Variants in TTC28 observed in about 807,000 individuals in gnomAD.
TTC28 encodes the protein tetratricopeptide repeat domain 28.
In TTC28, 61 loss-of-function variants were observed where a neutral mutation model predicts 198.0. The observed-to-expected ratio is 0.31, with a 90% CI of 0.25 to 0.38. TTC28 has a LOEUF of 0.38. TTC28 is among the 10% of genes least tolerant of loss of function. TTC28 has a pLI of 1.00. For synonymous variants in TTC28, 1,171 were observed against 1,297.8 expected (o/e 0.90, Z 2.10); for missense variants, 2,678 against 3,164.0 (o/e 0.85, Z 3.69).
At chr22:28,421,716 G>GGCAGGCGGAA (rs2047256646) in intron 2 of TTC28, among the ~76,000 whole-genome samples, 1 of 152,160 alleles carries the variant, frequency 6.6e-6, no homozygotes. Flanking sequence ...GGGAACCCAA[G>GGCAGGCGGAA]GCAGGCGGAT....
In TTC28 at chr22:28,005,919, C is replaced by T. The variant is rs1419420082; in HGVS notation, c.4219-4366G>A. 6.6e-6 allele frequency among the ~76,000 whole-genome samples: 1 copy of T among 152,260 alleles called. No homozygotes were observed. Among genetic ancestry groups the T allele is most frequent in the African/African-American group, 2.4e-5 (1 of 41,468 alleles). ...ACTCCCTCAGCCCTAGAGAACCACA[C>T]AGCTTCCCTATATCTTACAGTTATT... On this transcript the variant is annotated intron_variant, in intron 14 of 22. Coordinates refer to ENST00000397906, the MANE Select transcript of TTC28 (RefSeq NM_001145418.2). The surrounding 1 kb of genome is among the most constrained non-coding windows in gnomAD (Gnocchi z 4.9).
At chr22:28,154,096 A>G (rs135649) in intron 6 of TTC28, among the ~76,000 whole-genome samples, 3,026 of 152,290 alleles carry the variant, frequency 0.02, 30 homozygotes, top group Non-Finnish European at 0.026. Flanking sequence ...CTAAAGTGAG[A>G]TGAGAGATAA....
At chr22:28,295,249 T>C (rs1057218169) in intron 5 of TTC28, among the ~76,000 whole-genome samples, 4 of 152,180 alleles carry the variant, frequency 2.6e-5, no homozygotes, top group Non-Finnish European at 4.4e-5. Flanking sequence ...ATATAATTAA[T>C]CTTTATAAGG....
At chr22:28,084,737 A>C (rs957678453) in intron 12 of TTC28, among the ~76,000 whole-genome samples, 1 of 152,034 alleles carries the variant, frequency 6.6e-6, no homozygotes, top group South Asian at 2.1e-4. Flanking sequence ...AGTTCGAACC[A>C]ATGGCAAAGA....
At chr22:28,569,950 A>G (rs951049833) in intron 2 of TTC28, among the ~76,000 whole-genome samples, 37 of 152,244 alleles carry the variant, frequency 2.4e-4, no homozygotes, top group African/African-American at 8.9e-4. Context: ...GCATATTAAA[A>G]AATGCTCAAC....
chr22:28,537,154 G>A lies in TTC28; in HGVS notation c.381+92398C>T, dbSNP rs1439587356. On this transcript the variant is annotated intron_variant, in intron 2 of 22. Coordinates refer to ENST00000397906, the MANE Select transcript of TTC28 (RefSeq NM_001145418.2). ...TAAAAATATAAAAAATTAGCCGGGC[G>A]TGGTGGCGGGTGCCTGTAGTCCCAG... is the stretch of plus-strand genomic sequence containing the variant. Among the ~76,000 whole-genome samples the A allele has an allele frequency of 9.2e-5, 14 of 151,408 alleles. No individual in the cohort carries two copies. In the East Asian group the frequency reaches 1.4e-3, roughly 15 times the overall value.
intron 2 of TTC28, among the ~76,000 whole-genome samples, chr22:28,627,607 T>A (rs1386951713): frequency 1.3e-5 from 2 of 152,002 alleles, no homozygotes; most frequent in East Asian, 3.9e-4. Flanking sequence ...AATTTTTGTG[T>A]TTTTAGTAGA....
chr22:28,625,973 T>A (rs533874676), intron 2 of TTC28, among the ~76,000 whole-genome samples: 2 of 152,282 alleles, frequency 1.3e-5, no homozygotes, highest in South Asian at 4.1e-4. Flanking sequence ...TGCTGGATTA[T>A]GGTTATCATT....
At chr22:28,159,517 G>A (rs552176462) in intron 6 of TTC28, among the ~76,000 whole-genome samples, 18 of 152,218 alleles carry the variant, frequency 1.2e-4, no homozygotes, top group Admixed American at 5.9e-4. Context: ...TTAGCTGGGC[G>A]TGGTGGCGTG....
At chr22:28,333,458 C>G (rs2045648905) in intron 2 of TTC28, among the ~76,000 whole-genome samples, 1 of 152,142 alleles carries the variant, frequency 6.6e-6, no homozygotes, top group Non-Finnish European at 1.5e-5. Flanking sequence ...ATATATCTCA[C>G]ATTGCAACAG....
At chr22:28,621,015 G>A (rs1601631310) in intron 2 of TTC28, among the ~76,000 whole-genome samples, 1 of 152,094 alleles carries the variant, frequency 6.6e-6, no homozygotes, top group Non-Finnish European at 1.5e-5. Context: ...TTCTTTAGTT[G>A]ATAATGTAAA....
chr22:28,529,385 G>C (rs576548705), intron 2 of TTC28, among the ~76,000 whole-genome samples: 87 of 152,312 alleles, frequency 5.7e-4, no homozygotes, highest in African/African-American at 2.0e-3. Context: ...GCTGAGGCTT[G>C]GGTAGGTAAA....
chr22:28,223,481 A>G (rs753900590), intron 5 of TTC28, among the ~76,000 whole-genome samples: 6 of 152,212 alleles, frequency 3.9e-5, no homozygotes, highest in Non-Finnish European at 5.9e-5. Context: ...TCTATAATCT[A>G]TTTTGATGAG....
chr22:28,250,635 G>A (rs771747196), intron 5 of TTC28, among the ~76,000 whole-genome samples: 4 of 152,064 alleles, frequency 2.6e-5, no homozygotes, highest in Non-Finnish European at 4.4e-5. Context: ...CTAATTTAAT[G>A]TAAACTCCAT....
rs146860855 is a variant in TTC28 at position 28,042,328 on chromosome 22, C to A, written c.3933-11962G>T. 6.1e-3 allele frequency among the ~76,000 whole-genome samples: 928 copies of A among 151,392 alleles called. 9 individuals carry two copies. The highest frequency in any genetic ancestry group is 0.021 in the African/African-American group (874 of 40,718). On this transcript the variant is annotated intron_variant, in intron 12 of 22. Coordinates refer to ENST00000397906, the MANE Select transcript of TTC28 (RefSeq NM_001145418.2). ...CACAGTAGCAAAAACTTGGAACCAACCCTAATGTCCAACAATGATAGACTG... is the reference window on the plus strand; with the variant it reads ...CACAGTAGCAAAAACTTGGAACCAAACCTAATGTCCAACAATGATAGACTG...
intron 12 of TTC28, among the ~76,000 whole-genome samples, chr22:28,053,446 T>C (rs185202877): frequency 1.2e-4 from 18 of 152,326 alleles, no homozygotes; most frequent in African/African-American, 4.1e-4. Context: ...ATATGTATCA[T>C]AAGAAGTGAC....
At chr22:28,391,255 C>CTCCCTGGCTGTCCTTAACATTTTT (rs2046714562) in intron 2 of TTC28, among the ~76,000 whole-genome samples, 2 of 152,234 alleles carry the variant, frequency 1.3e-5, no homozygotes, top group Admixed American at 1.3e-4. Context: ...CCCGACCTTT[C>CTCCCTGGCTGTCCTTAACATTTTT]TCCCTGGCTG....
intron 12 of TTC28, among the ~76,000 whole-genome samples, chr22:28,076,395 A>T (rs745969986): frequency 7.2e-5 from 11 of 152,204 alleles, no homozygotes; most frequent in Admixed American, 1.3e-4. Flanking sequence ...TATGTTAAAG[A>T]TATCCTAGTT....
At chr22:28,546,291 CA>C (rs1308037698) in intron 2 of TTC28, among the ~76,000 whole-genome samples, 2 of 152,046 alleles carry the variant, frequency 1.3e-5, no homozygotes, top group African/African-American at 4.8e-5. Context: ...ATTAAAAATA[CA>C]AAAATTAGCC....
Sources: allele counts gnomAD v4.1 joint callset (sites outside exome capture counted in the v4.1 genomes callset), GRCh38; gene constraint gnomAD v4.1.1; non-coding constraint Gnocchi (gnomAD v3.1); transcripts MANE v1.5; gene names NCBI Gene and HGNC (gene_info 2026-07-23, HGNC 2026-07-21).